PHF20L1: variants seen among roughly 807,000 people sequenced by gnomAD.
PHF20L1 encodes the protein PHD finger protein 20-like protein 1.
PHF20L1 carries 44 observed loss-of-function variants against 125.5 expected under a neutral mutation model. That is an observed-to-expected ratio of 0.35 (90% CI 0.28 to 0.45). The LOEUF (loss-of-function observed/expected upper bound fraction) is 0.45, where lower values mean the gene tolerates loss of function less well. Ranked by LOEUF, PHF20L1 falls within the 20% of genes least tolerant of loss-of-function variation. PHF20L1 has a pLI of 1.00. For synonymous variants in PHF20L1, 380 were observed against 403.1 expected, an observed-to-expected ratio of 0.94 and a Z score of 0.69; for missense variants, 1,012 against 1,217.2, an observed-to-expected ratio of 0.83 and a Z score of 2.51.
chr8:132,811,420 A>T, intron 9 of PHF20L1: 1 of 1,060,704 alleles, frequency 9.4e-7, no homozygotes, highest in Non-Finnish European at 1.1e-6. Context: ...ACTAGCTTAC[A>T]AAAAGACCCT....
rs898501116 is a variant in PHF20L1 at position 132,808,487 on chromosome 8, G to T, written c.848-2559G>T. The T allele has an allele frequency of 6.6e-5, 10 of 152,100 alleles. No homozygotes were observed. In the East Asian group the frequency reaches 1.2e-3, roughly 18 times the overall value. 9.4% of individuals were successfully genotyped at this position (152,100 alleles called of 1,614,324 possible). A position where few individuals can be genotyped will look rare whatever the true frequency, so the allele number is the denominator to read the frequency against. On this transcript the variant is annotated intron_variant, in intron 8 of 20. Transcript: ENST00000395386. ...CTGTGTGAAAGGAAACAAAGTAAAAGATATAATTATATAATATATTGAATA... is the reference window on the plus strand; with the variant it reads ...CTGTGTGAAAGGAAACAAAGTAAAATATATAATTATATAATATATTGAATA...
chr8:132,796,247 A>G (rs942334641), intron 4 of PHF20L1, among the ~76,000 whole-genome samples: 1 of 152,078 alleles, frequency 6.6e-6, no homozygotes, highest in Non-Finnish European at 1.5e-5. Context: ...TTAGAATGAA[A>G]GATTCGTTTA....
intron 13 of PHF20L1, 46 bp from the exon 14 acceptor site, chr8:132,825,218 C>CA: frequency 6.3e-7 from 1 of 1,589,080 alleles, no homozygotes; most frequent in Non-Finnish European, 8.6e-7. Flanking sequence ...AAAGGAACAA[C>CA]TCAGGATCAG....
intron 9 of PHF20L1, 136 bp from the exon 10 acceptor site, chr8:132,814,501 T>C (rs1017607918): frequency 5.5e-6 from 3 of 543,308 alleles, no homozygotes; most frequent in Non-Finnish European, 9.0e-6. Flanking sequence ...TTTTTGGTTT[T>C]TCATTTGTAA....
intron 2 of PHF20L1, among the ~76,000 whole-genome samples, chr8:132,790,881 TA>T (rs956868974): frequency 6.3e-4 from 96 of 152,318 alleles, no homozygotes; most frequent in Admixed American, 1.5e-3. Flanking sequence ...TATGGACTAT[TA>T]AAGCATCTTA....
At chr8:132,836,503 A>G in intron 15 of PHF20L1, 37 bp from the exon 16 acceptor site, 1 of 1,339,768 alleles carries the variant, frequency 7.5e-7, no homozygotes, top group Non-Finnish European at 1.0e-6. Context: ...TGAAAATAGA[A>G]AAGTTGTTCT....
At chr8:132,823,961 A>T in intron 12 of PHF20L1, 43 bp from the exon 13 acceptor site, 2 of 1,179,924 alleles carry the variant, frequency 1.7e-6, no homozygotes, top group Non-Finnish European at 2.5e-6. Flanking sequence ...CATACTTTTA[A>T]GTTTTTCTGA....
chr8:132,812,723 A>T (rs1277648532), intron 9 of PHF20L1: 1 of 984,278 alleles, frequency 1.0e-6, no homozygotes, highest in Non-Finnish European at 1.2e-6. Context: ...AAGCCGAGTT[A>T]TAAAGCTCTT....
chr8:132,785,672 A>G (rs956306076), intron 2 of PHF20L1, among the ~76,000 whole-genome samples: 1 of 152,150 alleles, frequency 6.6e-6, no homozygotes, highest in Non-Finnish European at 1.5e-5. Flanking sequence ...ATTAAATTAG[A>G]AATTGGTATG....
chr8:132,805,456 G>A (rs1411547112), intron 8 of PHF20L1, among the ~76,000 whole-genome samples: 3 of 151,882 alleles, frequency 2.0e-5, no homozygotes, highest in African/African-American at 4.8e-5. Context: ...TCAGCCTAGT[G>A]ATTCTAGTCT....
In PHF20L1 at chr8:132,775,400, C is replaced by CGGCGGA. The variant is rs1262438030; in HGVS notation, c.-277_-272dup. On this transcript the variant is annotated 5_prime_UTR_variant, in exon 1 of 21. Transcript: ENST00000395386. ...CCGGCGTCGCGTCAGGGCTGGCCGGCGGCGGAGGCGGCGGCGGCGGCGGCG... is the reference window on the plus strand; with the variant it reads ...CCGGCGTCGCGTCAGGGCTGGCCGGCGGCGGAGGCGGAGGCGGCGGCGGCGGCGGCG... The CGGCGGA allele has an allele frequency of 7.9e-6, 3 of 380,640 alleles. No homozygotes were observed. The highest frequency in any genetic ancestry group is 1.4e-5 in the Non-Finnish European group (3 of 217,212). The allele number at this position is 380,640 out of a possible 1,614,324, so 23.6% of individuals were successfully genotyped here.
rs369208982 is a variant in PHF20L1 at position 132,812,759 on chromosome 8, A to G, written c.930+1631A>G. On this transcript the variant is annotated intron_variant, in intron 9 of 20. Transcript: ENST00000395386. ...AATTACATCTCAATTGGTATCAGCA[A>G]TAGACCTAAAGGAGAGGTATTGATT... The G allele has an allele frequency of 2.7e-5, 27 of 984,406 alleles. No individual in the cohort carries two copies. The East Asian group carries it at 1.1e-3, about 41-fold the overall frequency. 61.0% of individuals were successfully genotyped at this position (984,406 alleles called of 1,614,324 possible). A position where few individuals can be genotyped will look rare whatever the true frequency, so the allele number is the denominator to read the frequency against.
At chr8:132,796,446 A>G (rs1159464464) in intron 4 of PHF20L1, among the ~76,000 whole-genome samples, 1 of 152,128 alleles carries the variant, frequency 6.6e-6, no homozygotes, top group Non-Finnish European at 1.5e-5. Flanking sequence ...AAGATAGAAG[A>G]GGAAAACAGA....
intron 10 of PHF20L1, chr8:132,815,472 C>G (rs754278877): frequency 6.6e-6 from 1 of 151,830 alleles, no homozygotes; most frequent in Non-Finnish European, 1.5e-5. Flanking sequence ...CCCTATATAT[C>G]TGTATATATA....
chr8:132,799,121 GTGT>G lies in PHF20L1; in HGVS notation c.460_462del (p.Cys154del), dbSNP rs1563799761. 1 of 1,610,330 alleles carries G rather than the reference GTGT, an allele frequency of 6.2e-7. No homozygotes were observed. Among genetic ancestry groups the G allele is most frequent in the Non-Finnish European group, 8.5e-7 (1 of 1,177,648 alleles). ...TGAAATCCCAGCATCCACTAAGCTG[GTGT>G]TGTCCTATCGACCCAGCTGGATCGT... On this transcript the variant is annotated inframe_deletion, in exon 6 of 21. Transcript: ENST00000395386.
At chr8:132,820,958 T>A (rs1563829600) in intron 12 of PHF20L1, among the ~76,000 whole-genome samples, 2 of 151,810 alleles carry the variant, frequency 1.3e-5, no homozygotes, top group Non-Finnish European at 2.9e-5. Flanking sequence ...ATTTTTTTTT[T>A]ATTTTTTAGC....
intron 12 of PHF20L1, chr8:132,818,889 A>T (rs991012851): frequency 3.9e-5 from 6 of 151,946 alleles, no homozygotes; most frequent in African/African-American, 1.4e-4. Context: ...TCAAATGTAC[A>T]TGTGAAAATA....
At chr8:132,808,401 T>A (rs555334841) in intron 8 of PHF20L1, 1 of 152,202 alleles carries the variant, frequency 6.6e-6, no homozygotes, top group East Asian at 1.9e-4. Context: ...GGTACCTTAT[T>A]TTCAGCTTTT....
chr8:132,833,931 A>AT (rs1371287901), intron 15 of PHF20L1, among the ~76,000 whole-genome samples: 5 of 152,078 alleles, frequency 3.3e-5, no homozygotes, highest in African/African-American at 7.2e-5. Flanking sequence ...CACCCTCAGA[A>AT]TTTCTGAGTT....
Sources: gnomAD v4.1 joint callset for allele counts (sites outside exome capture counted in the v4.1 genomes callset) on GRCh38, gnomAD v4.1.1 for gene constraint, MANE v1.5 for transcripts, NCBI Gene and HGNC (gene_info 2026-07-23, HGNC 2026-07-21) for gene names.